The following GOT1 variants were observed in gnomAD, a reference collection of about 807,000 sequenced individuals.
GOT1 encodes aspartate aminotransferase, cytoplasmic.
In GOT1, 25 loss-of-function variants were observed where a neutral mutation model predicts 48.2. The observed-to-expected ratio is 0.52, with a 90% CI of 0.38 to 0.72. The LOEUF is 0.72. Among genes scored for constraint, GOT1 ranks in the 30% least tolerant of loss-of-function variants. GOT1 has a pLI of 0.00. For missense variants in GOT1, 380 were observed against 520.1 expected (o/e 0.73, Z 2.62); for synonymous variants, 188 against 193.8 (o/e 0.97, Z 0.25).
At chr10:99,422,541 A>G (rs1321307162) in intron 1 of GOT1, among the ~76,000 whole-genome samples, 1 of 152,106 alleles carries the variant, frequency 6.6e-6, no homozygotes, top group African/African-American at 2.4e-5. Context: ...TTAAATATAT[A>G]CTATGCATTT....
chr10:99,424,461 A>T (rs563051120), intron 1 of GOT1, among the ~76,000 whole-genome samples: 2 of 152,358 alleles, frequency 1.3e-5, no homozygotes, highest in Admixed American at 1.3e-4. Flanking sequence ...AGATGCAAAA[A>T]AATTTGGGAT....
At chr10:99,406,336 C>G (rs1211193630) in intron 3 of GOT1, 87 bp from the exon 4 acceptor site, 1 of 909,366 alleles carries the variant, frequency 1.1e-6, no homozygotes, top group Non-Finnish European at 1.8e-6. Context: ...CCAGGGCCCT[C>G]CCAGGCTCAA....
chr10:99,397,806 C>A lies in GOT1; in HGVS notation c.1103-120G>T. ...TTCCCCTTAACAGAGAGAAGCAAAA[C>A]AAAAGGCGCTATTTTGTCCAACTGA... On this transcript the variant is annotated intron_variant, in intron 8 of 8. Transcript: ENST00000370508. This position sits in a 1 kb window ranked among gnomAD's most constrained non-coding sequence, Gnocchi z 5.4. 1 of 910,460 alleles carries A rather than the reference C, an allele frequency of 1.1e-6. No individual in the cohort carries two copies. The highest frequency in any genetic ancestry group is 2.5e-5 in the East Asian group (1 of 39,416). The allele number at this position is 910,460 out of a possible 1,614,324, so 56.4% of individuals were successfully genotyped here. A position where few individuals can be genotyped will look rare whatever the true frequency, so the allele number is the denominator to read the frequency against.
At chr10:99,420,554 C>G (rs1196862182) in intron 2 of GOT1, 70 bp downstream of exon 2, 3 of 1,202,704 alleles carry the variant, frequency 2.5e-6, no homozygotes, top group Non-Finnish European at 2.4e-6. Context: ...ATATTTTAAA[C>G]AAACTGTATT....
intron 8 of GOT1, among the ~76,000 whole-genome samples, chr10:99,399,572 AC>A (rs1280235837): frequency 1.3e-5 from 2 of 152,020 alleles, no homozygotes; most frequent in African/African-American, 4.8e-5. Flanking sequence ...GGAGTTGACG[AC>A]CAGCCTGGGC....
chr10:99,403,631 T>C lies in GOT1; in HGVS notation c.797A>G (p.Glu266Gly). The change falls in exon 7 of 9, where the codon GAG becomes GGG. Residue 266 changes from glutamate (E) to glycine (G), a missense_variant. By Grantham distance (98) the Glu-to-Gly change is moderately conservative. Transcript: ENST00000370508. ...SFSKNFGLYN[E>G]RVGNLTVVGK... ...AACCACAGTCAGATTCCCGACTCTC[T>C]CATCTAAAGAGAGGGACCAGAATCA... The C allele has an allele frequency of 6.2e-7, 1 of 1,614,080 alleles. No homozygotes were observed.
intron 2 of GOT1, among the ~76,000 whole-genome samples, chr10:99,414,330 A>G (rs563305405): frequency 1.3e-5 from 2 of 152,350 alleles, no homozygotes; most frequent in Admixed American, 6.5e-5. Flanking sequence ...ACAAAGATCA[A>G]AAGAGATAAA....
intron 2 of GOT1, among the ~76,000 whole-genome samples, chr10:99,415,917 A>C (rs2032888674): frequency 6.6e-6 from 1 of 152,160 alleles, no homozygotes; most frequent in Non-Finnish European, 1.5e-5. Context: ...ACTCTCAATA[A>C]ATTAGGTATT....
chr10:99,418,602 A>G (rs1200553267), intron 2 of GOT1, among the ~76,000 whole-genome samples: 2 of 151,750 alleles, frequency 1.3e-5, no homozygotes, highest in African/African-American at 4.8e-5. Flanking sequence ...CTTGGGGTCA[A>G]GCAATCCTCC....
chr10:99,402,656 T>C lies in GOT1; in HGVS notation c.1026A>G (p.Leu342=). 1 of 1,613,798 alleles carries C rather than the reference T, an allele frequency of 6.2e-7. No homozygotes were observed. Among genetic ancestry groups the C allele is most frequent in the Non-Finnish European group, 8.5e-7 (1 of 1,179,624 alleles). ...AGGTCCCAGGGGTTTTGAGGGCTTC[T>C]AGTCGTGCCCTGAGTTCAGATCTCA... ...LTMRSELRAR[L]EALKTPGTWN... Residue 342 remains leucine (L), a synonymous_variant, in exon 8 of 9, where the codon CTA becomes CTG. Transcript: ENST00000370508.
intron 2 of GOT1, among the ~76,000 whole-genome samples, chr10:99,417,949 T>C (rs981182298): frequency 5.9e-5 from 9 of 151,762 alleles, no homozygotes; most frequent in African/African-American, 2.2e-4. Flanking sequence ...ATACCTAATG[T>C]AAATGATGAG....
intron 1 of GOT1, among the ~76,000 whole-genome samples, chr10:99,423,338 T>A (rs1397958478): frequency 6.6e-6 from 1 of 152,246 alleles, no homozygotes; most frequent in Admixed American, 6.5e-5. Context: ...TTATAAACAT[T>A]GTGATAAATG....
intron 1 of GOT1, among the ~76,000 whole-genome samples, chr10:99,422,188 G>A (rs537306155): frequency 6.6e-6 from 1 of 152,248 alleles, no homozygotes; most frequent in Admixed American, 6.5e-5. Flanking sequence ...AAAGTGTATA[G>A]CACCTCCCGC....
rs2032696717 is a variant in GOT1, at chr10:99,402,658, G to A, written c.1024C>T (p.Leu342=). The change falls in exon 8 of 9, where the codon CTA becomes TTA. Residue 342 remains leucine (L), a synonymous_variant. Coordinates refer to ENST00000370508, the MANE Select transcript of GOT1 (RefSeq NM_002079.3). ...LTMRSELRAR[L]EALKTPGTWN... is the part of the protein sequence containing the mutation. ...GTCCCAGGGGTTTTGAGGGCTTCTAGTCGTGCCCTGAGTTCAGATCTCATG... is the reference window on the plus strand; with the variant it reads ...GTCCCAGGGGTTTTGAGGGCTTCTAATCGTGCCCTGAGTTCAGATCTCATG... 6.2e-7 allele frequency: 1 copy of A among 1,613,650 alleles called. No individual in the cohort carries two copies. Among genetic ancestry groups the A allele is most frequent in the South Asian group, 1.1e-5 (1 of 91,078 alleles).
chr10:99,404,373 C>T (rs896146633), intron 5 of GOT1, among the ~76,000 whole-genome samples: 8 of 152,154 alleles, frequency 5.3e-5, no homozygotes, highest in African/African-American at 1.4e-4. Flanking sequence ...CTTCCCTCCC[C>T]GGAACTGTCC....
At chr10:99,421,583 GA>G (rs948063887) in intron 1 of GOT1, among the ~76,000 whole-genome samples, 6 of 151,420 alleles carry the variant, frequency 4.0e-5, no homozygotes, top group Non-Finnish European at 5.9e-5. Context: ...CTCTTCCTCT[GA>G]AAGTATTTTT....
chr10:99,421,253 T>G (rs991966363), intron 1 of GOT1, among the ~76,000 whole-genome samples: 6 of 152,232 alleles, frequency 3.9e-5, no homozygotes, highest in African/African-American at 1.4e-4. Context: ...AGAAAAAGCC[T>G]AGGTGCTACT....
chr10:99,413,558 G>C (rs1279444905), intron 2 of GOT1, among the ~76,000 whole-genome samples: 1 of 152,124 alleles, frequency 6.6e-6, no homozygotes, highest in Non-Finnish European at 1.5e-5. Flanking sequence ...TAGCAAGGCA[G>C]GCCAACATTC....
intron 8 of GOT1, among the ~76,000 whole-genome samples, chr10:99,398,560 C>T (rs1346702695): frequency 6.6e-6 from 1 of 151,896 alleles, no homozygotes; most frequent in Non-Finnish European, 1.5e-5. Flanking sequence ...GTCCCAGCTA[C>T]TCAGGAGGCT....
Sources: allele counts gnomAD v4.1 joint callset (sites outside exome capture counted in the v4.1 genomes callset), GRCh38; gene constraint gnomAD v4.1.1; non-coding constraint Gnocchi (gnomAD v3.1); transcripts MANE v1.5; gene names NCBI Gene and HGNC (gene_info 2026-07-23, HGNC 2026-07-21).